SRRM2: variants seen among roughly 807,000 people sequenced by gnomAD.
SRRM2 encodes the protein serine/arginine repetitive matrix 2.
A neutral mutation model predicts 213.8 loss-of-function variants in SRRM2; 30 were observed. The ratio of observed to expected loss-of-function variants is 0.14; its 90% CI spans 0.10 to 0.19. The LOEUF (loss-of-function observed/expected upper bound fraction) is 0.19, where lower values mean the gene tolerates loss of function less well. Ranked by LOEUF, SRRM2 falls within the 10% of genes least tolerant of loss-of-function variation. SRRM2 has a pLI of 1.00. For synonymous variants in SRRM2, 2,025 were observed against 1,377.7 expected, an observed-to-expected ratio of 1.47 and a Z score of -10.40; for missense variants, 4,904 against 3,647.0, an observed-to-expected ratio of 1.34 and a Z score of -8.88.
rs745737635 is a variant in SRRM2 at position 2,765,805 on chromosome 16, A to G, written c.5277A>G (p.Arg1759=). 1 of 1,614,066 alleles carries G rather than the reference A, an allele frequency of 6.2e-7. No individual in the cohort carries two copies. The highest frequency in any genetic ancestry group is 1.1e-5 in the South Asian group (1 of 91,086). The change falls in exon 11 of 15, where the codon AGA becomes AGG. Residue 1759 remains arginine (R), a synonymous_variant. Transcript: ENST00000301740. The stretch of plus-strand genomic sequence containing the variant: ...CACGCACTAAGACAACCTCAAGGAG[A>G]GGCCGCTCTCCTTCGCCAAAGCCTC... ...SSPRTKTTSR[R]GRSPSPKPRG... is the part of the protein sequence containing the mutation.
In SRRM2 at chr16:2,757,717, T is replaced by A. The variant is rs563652299; in HGVS notation, c.351-64T>A. ...TGCCTTATTTGGCTCCTGCTTATAC[T>A]TGTGTTCTGAATATGGCTCTGTCCT... On this transcript the variant is annotated intron_variant, in intron 3 of 14. Coordinates refer to ENST00000301740, the MANE Select transcript of SRRM2 (RefSeq NM_016333.4). 3.4e-4 allele frequency: 539 copies of A among 1,593,654 alleles called. 1 individual carries two copies. Among genetic ancestry groups the A allele is most frequent in the Non-Finnish European group, 9.2e-5 (107 of 1,167,370 alleles).
At chr16:2,770,261 T>TTTGGTGGTC in intron 12 of SRRM2, 91 bp from the exon 13 acceptor site, 1 of 1,469,374 alleles carries the variant, frequency 6.8e-7, no homozygotes, top group Admixed American at 2.4e-5. Context: ...TGGTGTGAGG[T>TTTGGTGGTC]TTGGTGGTCA....
At position 2,764,442 on chromosome 16, in the gene SRRM2, G is replaced by C. The variant is rs543166158; in HGVS notation, c.3914G>C (p.Trp1305Ser). 6.2e-7 allele frequency: 1 copy of C among 1,612,990 alleles called. No individual in the cohort carries two copies. The highest frequency in any genetic ancestry group is 1.7e-4 in the Middle Eastern group (1 of 6,056). ...GAAGTCCCTTCAATGGCCTCATCTT[G>C]GGGTGGGCCACATTTTTCTCCAGAA... Reference protein sequence around the residue: ...AVEVPSMASSWGGPHFSPEHK... With the variant: ...AVEVPSMASSSGGPHFSPEHK... Residue 1305 changes from tryptophan to serine, a missense_variant, in exon 11 of 15, where the codon TGG (tryptophan) becomes TCG (serine). Transcript: ENST00000301740.
At chr16:2,769,845 CAT>C (rs1567249514) in intron 12 of SRRM2, 1 of 465,900 alleles carries the variant, frequency 2.1e-6, no homozygotes. Context: ...CGCCCCCACA[CAT>C]GCCCTGTGCT....
chr16:2,770,763 G>T, intron 14 of SRRM2, 46 bp downstream of exon 14: 7 of 1,599,906 alleles, frequency 4.4e-6, no homozygotes, highest in Non-Finnish European at 6.0e-6. Flanking sequence ...AGCCAGTTGT[G>T]GTGGTGGGTG....
Position 2,762,678 on chromosome 16 carries a change from C to A in SRRM2, c.2150C>A (p.Thr717Lys), listed in dbSNP as rs116499978. 6.2e-7 allele frequency: 1 copy of A among 1,614,146 alleles called. No homozygotes were observed. Among genetic ancestry groups the A allele is most frequent in the African/African-American group, 1.3e-5 (1 of 75,032 alleles). Residue 717 changes from threonine to lysine, a missense_variant, in exon 11 of 15, where the codon ACA becomes AAA. By Grantham distance (78) the Thr-to-Lys change is moderately conservative (BLOSUM62 -1). Coordinates refer to ENST00000301740, the MANE Select transcript of SRRM2 (RefSeq NM_016333.4). ...LVRRGRSHSRTPQRRGRSGSS... is the reference protein window; with the variant it reads ...LVRRGRSHSRKPQRRGRSGSS... ...AGACGTGGAAGATCTCACTCTAGAA[C>A]ACCTCAAAGAAGAGGCAGATCTGGC...
Position 2,757,704 on chromosome 16 carries a change from C to T in SRRM2, c.351-77C>T, listed in dbSNP as rs540768279. The T allele has an allele frequency of 1.0e-5, 16 of 1,585,114 alleles. No homozygotes were observed. The Admixed American group carries it at 1.4e-4, about 14-fold the overall frequency. On this transcript the variant is annotated intron_variant, in intron 3 of 14. Coordinates refer to ENST00000301740, the MANE Select transcript of SRRM2 (RefSeq NM_016333.4). The stretch of plus-strand genomic sequence containing the variant: ...TCTGCCTTTCCCATGCCTTATTTGG[C>T]TCCTGCTTATACTTGTGTTCTGAAT...
intron 9 of SRRM2, chr16:2,759,939 G>C (rs999125707): frequency 1.2e-4 from 64 of 539,000 alleles, no homozygotes; most frequent in Non-Finnish European, 1.3e-4. Context: ...CGTGGTGTCT[G>C]GGGGAGGAAG....
At chr16:2,755,716 G>A (rs187515475) in intron 1 of SRRM2, among the ~76,000 whole-genome samples, 1 of 152,344 alleles carries the variant, frequency 6.6e-6, no homozygotes, top group Admixed American at 6.5e-5. Context: ...CTGGCCTTTA[G>A]TTGGGGTGTG....
At chr16:2,761,292 A>G (rs1392676591) in intron 10 of SRRM2, among the ~76,000 whole-genome samples, 1 of 152,046 alleles carries the variant, frequency 6.6e-6, no homozygotes, top group African/African-American at 2.4e-5. Flanking sequence ...TTCTTATAAC[A>G]TTTTGTAGTG....
rs547254932 is a variant in SRRM2, at chr16:2,764,061, C to T, written c.3533C>T (p.Ala1178Val). The change falls in exon 11 of 15, where the codon GCA (alanine) becomes GTA (valine). Residue 1178 changes from alanine to valine, a missense_variant. Transcript: ENST00000301740. ...MALPPQEDAT[A>V]SPPRQKDKFS... ...TTACCCCCTCAGGAGGATGCTACTG[C>T]ATCACCTCCTAGACAGAAAGACAAA... 20 of 1,614,120 alleles carry T rather than the reference C, an allele frequency of 1.2e-5. No homozygotes were observed. The highest frequency in any genetic ancestry group is 1.2e-4 in the South Asian group (11 of 91,082).
At chr16:2,754,691 C>T (rs1004177374) in intron 1 of SRRM2, among the ~76,000 whole-genome samples, 4 of 152,104 alleles carry the variant, frequency 2.6e-5, no homozygotes, top group African/African-American at 9.7e-5. Context: ...CAAAAACATG[C>T]TGCAGGGGAA....
At chr16:2,756,664 G>C in intron 2 of SRRM2, 58 bp downstream of exon 2, 1 of 1,554,992 alleles carries the variant, frequency 6.4e-7, no homozygotes, top group Non-Finnish European at 8.7e-7. Flanking sequence ...GGGGGTGTTA[G>C]GTGGGATGTA....
In SRRM2 at chr16:2,770,711, C is replaced by T. The variant is rs1237114966; in HGVS notation, c.8243C>T (p.Ser2748Phe). The change falls in exon 14 of 15, where the codon TCC becomes TTC. Residue 2748 changes from serine (S) to phenylalanine (F), a missense_variant. Ser to Phe is a radical substitution (Grantham distance 155). Transcript: ENST00000301740. ...TPSPRPMRHR[S>F]SRSP is the part of the protein sequence containing the mutation. ...AGCCCTCGGCCCATGAGACACCGCT[C>T]CTCCAGGTGCGTGTCCTGGAAGGCT... 3.8e-6 allele frequency: 6 copies of T among 1,564,848 alleles called. No homozygotes were observed. The Admixed American group carries it at 5.7e-5, about 15-fold the overall frequency.
Position 2,757,472 on chromosome 16 carries a change from G to A in SRRM2, c.243G>A (p.Gly81=), listed in dbSNP as rs1387310868. 2 of 1,613,744 alleles carry A rather than the reference G, an allele frequency of 1.2e-6. No individual in the cohort carries two copies. The highest frequency in any genetic ancestry group is 1.1e-5 in the South Asian group (1 of 91,062). The part of the protein sequence containing the change: ...LELEEMMEEQ[G]YEEQQIQEKV... ...AACCCTGAAGGGATTTGTTCTTCAG[G>A]TACGAGGAACAGCAAATTCAGGAAA... The change falls in exon 3 of 15, where the codon GGG becomes GGA. Residue 81 remains glycine, a splice_region_variant and synonymous_variant. Coordinates refer to ENST00000301740, the MANE Select transcript of SRRM2 (RefSeq NM_016333.4).
At chr16:2,770,556 G>A (rs1339936610) in intron 13 of SRRM2, 48 bp from the exon 14 acceptor site, 11 of 1,551,244 alleles carry the variant, frequency 7.1e-6, no homozygotes, top group Non-Finnish European at 7.8e-6. Context: ...GCTATGTGGT[G>A]CCTGAGGTGG....
At position 2,763,486 on chromosome 16, in the gene SRRM2, ACAAAGT is replaced by A. The variant is rs760121860; in HGVS notation, c.2961_2966del (p.Gln987_Ser988del). On this transcript the variant is annotated inframe_deletion, in exon 11 of 15. Coordinates refer to ENST00000301740, the MANE Select transcript of SRRM2 (RefSeq NM_016333.4). ...AAGTGAAACCTGAAACACCGCCAAG[ACAAAGT>A]CACTCAGGGTCTATTTCACCATACC... is the stretch of plus-strand genomic sequence containing the variant. The A allele has an allele frequency of 1.2e-5, 19 of 1,614,178 alleles. No individual in the cohort carries two copies. The highest frequency in any genetic ancestry group is 1.6e-5 in the Non-Finnish European group (19 of 1,180,024).
Position 2,763,364 on chromosome 16 carries a change from A to G in SRRM2, c.2836A>G (p.Thr946Ala), listed in dbSNP as rs2068430860. The change falls in exon 11 of 15, where the codon ACT (threonine) becomes GCT (alanine). Residue 946 changes from threonine to alanine, a missense_variant. Transcript: ENST00000301740. ...TCCTAGTAGGGTGACGTCGAGAACAACTCCACGGCGAAGCAGATCAGTATC... is the reference window on the plus strand; with the variant it reads ...TCCTAGTAGGGTGACGTCGAGAACAGCTCCACGGCGAAGCAGATCAGTATC... ...PSPSRVTSRT[T>A]PRRSRSVSPC... 1.5e-5 allele frequency: 24 copies of G among 1,613,994 alleles called. No homozygotes were observed. Among genetic ancestry groups the G allele is most frequent in the Non-Finnish European group, 1.9e-5 (23 of 1,179,980 alleles).
In SRRM2 at chr16:2,762,547, C is replaced by G. The variant is rs997848162; in HGVS notation, c.2019C>G (p.Thr673=). ...PARRGRSRSR[T]PARRSGRSRS... The stretch of plus-strand genomic sequence containing the variant: ...GACGTGGCCGCTCACGCTCTAGAAC[C>G]CCAGCTAGACGCAGTGGTCGCTCAC... The change falls in exon 11 of 15, where the codon ACC becomes ACG. Residue 673 remains threonine (T), a synonymous_variant. Transcript: ENST00000301740. 6.2e-7 allele frequency: 1 copy of G among 1,613,962 alleles called. No individual in the cohort carries two copies. The highest frequency in any genetic ancestry group is 8.5e-7 in the Non-Finnish European group (1 of 1,179,984).
Sources: gnomAD v4.1 joint callset for allele counts (sites outside exome capture counted in the v4.1 genomes callset) on GRCh38, gnomAD v4.1.1 for gene constraint, MANE v1.5 for transcripts, NCBI Gene and HGNC (gene_info 2026-07-23, HGNC 2026-07-21) for gene names.